The following DYNLL1 variants were observed in gnomAD, a reference collection of about 807,000 sequenced individuals.
DYNLL1 encodes the protein dynein light chain LC8-type 1.
Under a neutral mutation model 10.1 loss-of-function variants are expected in DYNLL1, and 3 were observed. The observed-to-expected ratio is 0.30, with a 90% CI of 0.14 to 0.77. The LOEUF is 0.77. Ranked by LOEUF, DYNLL1 falls within the 30% of genes least tolerant of loss-of-function variation. The pLI is 0.66. For missense variants in DYNLL1, 47 were observed against 111.7 expected, an observed-to-expected ratio of 0.42 and a Z score of 2.61; for synonymous variants, 46 against 41.2, an observed-to-expected ratio of 1.12 and a Z score of -0.45.
upstream of DYNLL1, among the ~76,000 whole-genome samples, chr12:120,492,777 G>A (rs1879163086): frequency 6.6e-6 from 1 of 152,130 alleles, no homozygotes; most frequent in South Asian, 2.1e-4. The surrounding 1 kb of genome is among the most constrained non-coding windows in gnomAD (Gnocchi z 4.1). Context: ...TCAGGCAGGA[G>A]TAGATATAGT....
chr12:120,470,666 G>A (rs1878628346), intron 1 of DYNLL1, among the ~76,000 whole-genome samples: 1 of 152,044 alleles, frequency 6.6e-6, no homozygotes, highest in African/African-American at 2.4e-5. Flanking sequence ...CGAACTCCTG[G>A]GCTCAACCGA....
chr12:120,495,878 G>T, upstream of DYNLL1: 1 of 163,474 alleles, frequency 6.1e-6, no homozygotes, highest in Non-Finnish European at 1.4e-5. Flanking sequence ...CCTTCTGGGT[G>T]TGTGGGCCTC....
chr12:120,488,045 T>G (rs756798927), intron 1 of DYNLL1: 1 of 152,214 alleles, frequency 6.6e-6, no homozygotes, highest in Non-Finnish European at 1.5e-5. Context: ...CTGGGACAAG[T>G]CACCCTCATA....
At chr12:120,474,175 C>T (rs1878706596) in intron 1 of DYNLL1, among the ~76,000 whole-genome samples, 1 of 151,284 alleles carries the variant, frequency 6.6e-6, no homozygotes, top group Admixed American at 6.6e-5. Context: ...TGGCACACAC[C>T]CATAGTCCCA....
At chr12:120,492,603 C>G (rs1879159564), upstream of DYNLL1, among the ~76,000 whole-genome samples, 1 of 152,098 alleles carries the variant, frequency 6.6e-6, no homozygotes, top group South Asian at 2.1e-4. This position sits in a 1 kb window ranked among gnomAD's most constrained non-coding sequence, Gnocchi z 4.1. Context: ...AAATAACAAT[C>G]AGGAACCTGT....
At chr12:120,489,213 A>G (rs767940458) in intron 1 of DYNLL1, among the ~76,000 whole-genome samples, 8 of 152,192 alleles carry the variant, frequency 5.3e-5, no homozygotes, top group South Asian at 2.1e-4. Context: ...CTATAAGCTG[A>G]TGACTCTCCA....
chr12:120,485,484 G>A (rs976223955), intron 1 of DYNLL1, among the ~76,000 whole-genome samples: 1 of 151,372 alleles, frequency 6.6e-6, no homozygotes, highest in Non-Finnish European at 1.5e-5. Context: ...TTGAACTCCC[G>A]ACCTCGTGAT....
chr12:120,476,789 T>C (rs1033736058), intron 1 of DYNLL1, among the ~76,000 whole-genome samples: 3 of 151,986 alleles, frequency 2.0e-5, no homozygotes, highest in African/African-American at 7.3e-5. Flanking sequence ...TTCTGTATTT[T>C]TTAGTAGAGA....
At chr12:120,493,233 G>T (rs553779309), upstream of DYNLL1, among the ~76,000 whole-genome samples, 7 of 152,268 alleles carry the variant, frequency 4.6e-5, no homozygotes, top group East Asian at 1.2e-3. Context: ...ATATAAATTT[G>T]TCTTTTAAAA....
At chr12:120,496,110 C>G (rs1397846008), upstream of DYNLL1, 2 of 480,518 alleles carry the variant, frequency 4.2e-6, no homozygotes, top group Non-Finnish European at 7.5e-6. Flanking sequence ...CGTGGGGCTG[C>G]TTAGATGCGC....
chr12:120,496,091 G>T, upstream of DYNLL1: 1 of 416,514 alleles, frequency 2.4e-6, no homozygotes, highest in Admixed American at 4.1e-5. Context: ...ACTAGGCGGC[G>T]GCGGCTGGCG....
intron 1 of DYNLL1, among the ~76,000 whole-genome samples, chr12:120,477,417 C>T (rs11613214): frequency 5.9e-5 from 9 of 151,724 alleles, no homozygotes; most frequent in Admixed American, 3.3e-4. Flanking sequence ...CACTGGTGCT[C>T]GGGATACAAC....
intron 1 of DYNLL1, among the ~76,000 whole-genome samples, chr12:120,473,150 G>A (rs532294502): frequency 3.3e-5 from 5 of 152,238 alleles, no homozygotes; most frequent in Non-Finnish European, 4.4e-5. Flanking sequence ...AGACTACATC[G>A]GAGGGTCACC....
At chr12:120,493,027 C>A (rs1309963447), upstream of DYNLL1, among the ~76,000 whole-genome samples, 1 of 152,066 alleles carries the variant, frequency 6.6e-6, no homozygotes, top group Non-Finnish European at 1.5e-5. Flanking sequence ...CTTGGAAAAC[C>A]TTTGCAATCC....
At chr12:120,489,693 A>G (rs1187077966) in intron 1 of DYNLL1, among the ~76,000 whole-genome samples, 1 of 152,114 alleles carries the variant, frequency 6.6e-6, no homozygotes, top group Non-Finnish European at 1.5e-5. Context: ...AGGTCTTCCT[A>G]GAAAACTCTT....
chr12:120,497,418 C>T (rs1868485775), intron 2 of DYNLL1: 1 of 152,574 alleles, frequency 6.6e-6, no homozygotes, highest in Admixed American at 6.5e-5. Context: ...AGATTAGCAT[C>T]ATCCGGATAG....
At chr12:120,473,563 C>T (rs542530225) in intron 1 of DYNLL1, among the ~76,000 whole-genome samples, 7 of 151,100 alleles carry the variant, frequency 4.6e-5, no homozygotes, top group African/African-American at 9.7e-5. Context: ...GAGGTGGTGG[C>T]GCACACCTGT....
intron 1 of DYNLL1, among the ~76,000 whole-genome samples, chr12:120,479,467 A>AAT (rs1878835336): frequency 3.2e-4 from 39 of 122,444 alleles, no homozygotes; most frequent in African/African-American, 1.1e-3. Flanking sequence ...AAAAAAAAAA[A>AAT]AAATAATAAT....
chr12:120,474,945 G>T (rs1565919854), intron 1 of DYNLL1, among the ~76,000 whole-genome samples: 2 of 152,178 alleles, frequency 1.3e-5, no homozygotes, highest in Non-Finnish European at 2.9e-5. Flanking sequence ...ATTCTGGAAA[G>T]CTACATAATA....
Sources: gnomAD v4.1 joint callset for allele counts (sites outside exome capture counted in the v4.1 genomes callset) on GRCh38, gnomAD v4.1.1 for gene constraint, Gnocchi (gnomAD v3.1) non-coding constraint, MANE v1.5 for transcripts, NCBI Gene and HGNC (gene_info 2026-07-23, HGNC 2026-07-21) for gene names.